Variants in COG5 observed in about 807,000 individuals in gnomAD.
COG5 encodes component of oligomeric golgi complex 5.
In COG5, 86 loss-of-function variants were observed where a neutral mutation model predicts 110.4. That is an observed-to-expected ratio of 0.78 (90% CI 0.65 to 0.93). COG5 has a LOEUF of 0.93. Among genes scored for constraint, COG5 ranks in the 40% least tolerant of loss-of-function variants. The pLI is 0.00. For missense variants in COG5, 1,077 were observed against 987.0 expected (o/e 1.09, Z -1.22); for synonymous variants, 360 against 334.6 (o/e 1.08, Z -0.83).
intron 10 of COG5, among the ~76,000 whole-genome samples, chr7:107,344,389 C>T (rs1437725681): frequency 6.6e-6 from 1 of 152,188 alleles, no homozygotes; most frequent in African/African-American, 2.4e-5. Context: ...CGTCACCTAC[C>T]TCAGCCTTCA....
chr7:107,215,803 G>A (rs1337876968), intron 19 of COG5, among the ~76,000 whole-genome samples: 1 of 151,114 alleles, frequency 6.6e-6, no homozygotes, highest in Non-Finnish European at 1.5e-5. Context: ...TCTGCCTCCT[G>A]GGTTCACGCC....
chr7:107,412,699 A>T, intron 6 of COG5, 67 bp from the exon 7 acceptor site: 2 of 915,164 alleles, frequency 2.2e-6, no homozygotes, highest in Non-Finnish European at 3.3e-6. Flanking sequence ...GTATCAAAAT[A>T]TGTATAACTT....
chr7:107,448,532 T>A (rs1172932644), intron 6 of COG5, among the ~76,000 whole-genome samples: 1 of 152,184 alleles, frequency 6.6e-6, no homozygotes, highest in Non-Finnish European at 1.5e-5. Context: ...ACCCCTTACA[T>A]GTTAGAATTC....
intron 6 of COG5, among the ~76,000 whole-genome samples, chr7:107,502,799 C>T (rs1354393488): frequency 3.9e-5 from 6 of 152,028 alleles, no homozygotes; most frequent in African/African-American, 1.4e-4. Flanking sequence ...GTTTCTCGAC[C>T]ATTTGCATAT....
At chr7:107,336,586 A>G (rs146329178) in intron 10 of COG5, among the ~76,000 whole-genome samples, 27 of 152,244 alleles carry the variant, frequency 1.8e-4, no homozygotes, top group African/African-American at 6.3e-4. Flanking sequence ...TGGATATCCC[A>G]ATTACCTTGA....
At chr7:107,488,030 T>C (rs1291516690) in intron 6 of COG5, among the ~76,000 whole-genome samples, 2 of 152,128 alleles carry the variant, frequency 1.3e-5, no homozygotes, top group African/African-American at 4.8e-5. Flanking sequence ...GAACATATAT[T>C]GTTAATGTAA....
intron 11 of COG5, among the ~76,000 whole-genome samples, chr7:107,299,176 A>C (rs1360247648): frequency 2.0e-5 from 3 of 152,114 alleles, no homozygotes; most frequent in Non-Finnish European, 2.9e-5. Flanking sequence ...TAAAATAATA[A>C]AGCTCTGAGA....
chr7:107,489,590 T>TA (rs761707248), intron 6 of COG5, among the ~76,000 whole-genome samples: 1 of 152,062 alleles, frequency 6.6e-6, no homozygotes, highest in Non-Finnish European at 1.5e-5. Flanking sequence ...CACCCATTGT[T>TA]AAAAAAGAAA....
At chr7:107,459,884 G>A (rs909890510) in intron 6 of COG5, among the ~76,000 whole-genome samples, 1 of 151,788 alleles carries the variant, frequency 6.6e-6, no homozygotes, top group African/African-American at 2.4e-5. Context: ...AACTTGACCT[G>A]TTTGACATTT....
intron 11 of COG5, among the ~76,000 whole-genome samples, chr7:107,320,849 C>T (rs1809202051): frequency 6.6e-6 from 1 of 152,104 alleles, no homozygotes; most frequent in Non-Finnish European, 1.5e-5. Flanking sequence ...TTTTTGGAAG[C>T]TCAGTGAACA....
chr7:107,267,906 A>T (rs887571606), intron 14 of COG5, among the ~76,000 whole-genome samples: 1 of 152,202 alleles, frequency 6.6e-6, no homozygotes, highest in African/African-American at 2.4e-5. Context: ...TTAAAAAATA[A>T]TTTTAAAAAT....
In COG5 at chr7:107,492,886, C is replaced by A. The variant is rs560923318; in HGVS notation, c.538+34351G>T. On this transcript the variant is annotated intron_variant, in intron 6 of 21. Transcript: ENST00000297135. ...GGGACCATTATTCTGCCTATTGTGC[C>A]ATACTTGTTGAGCTGCACTGATTTG... Among the ~76,000 whole-genome samples, 6 of 152,182 alleles carry A rather than the reference C, an allele frequency of 3.9e-5. No individual in the cohort carries two copies. The South Asian group carries it at 6.2e-4, about 16-fold the overall frequency.
chr7:107,318,984 G>A (rs148251798), intron 11 of COG5, among the ~76,000 whole-genome samples: 10 of 152,110 alleles, frequency 6.6e-5, no homozygotes, highest in Admixed American at 2.0e-4. Flanking sequence ...ACATATGTTA[G>A]ATTGCTTGAT....
At chr7:107,435,754 T>C (rs945455029) in intron 6 of COG5, among the ~76,000 whole-genome samples, 3 of 152,160 alleles carry the variant, frequency 2.0e-5, no homozygotes, top group African/African-American at 7.2e-5. Flanking sequence ...CTCAAAAGAC[T>C]AAACATAGAA....
intron 5 of COG5, among the ~76,000 whole-genome samples, chr7:107,545,422 T>A (rs1802339619): frequency 1.3e-5 from 2 of 152,036 alleles, no homozygotes; most frequent in Non-Finnish European, 2.9e-5. Context: ...AAGATGGCTA[T>A]GAACAGATTT....
intron 19 of COG5, among the ~76,000 whole-genome samples, chr7:107,219,408 C>T (rs973535753): frequency 2.6e-5 from 4 of 152,216 alleles, no homozygotes; most frequent in Middle Eastern, 3.4e-3. Context: ...GCATTATTTA[C>T]GATAGCCAAG....
intron 6 of COG5, among the ~76,000 whole-genome samples, chr7:107,508,639 C>T (rs1044677626): frequency 2.6e-5 from 4 of 152,198 alleles, no homozygotes; most frequent in Admixed American, 1.3e-4. Context: ...CCAGTAGGGG[C>T]ACACTGACAC....
intron 7 of COG5, among the ~76,000 whole-genome samples, chr7:107,373,386 C>T (rs1186773497): frequency 6.6e-6 from 1 of 151,882 alleles, no homozygotes; most frequent in Non-Finnish European, 1.5e-5. Context: ...GCTATAAAAA[C>T]GTGAAGTAGG....
chr7:107,487,722 G>GT (rs1415708130), intron 6 of COG5, among the ~76,000 whole-genome samples: 1 of 148,290 alleles, frequency 6.7e-6, no homozygotes, highest in Non-Finnish European at 1.5e-5. Flanking sequence ...GTCTATACCA[G>GT]TAAAAAAAAA....
Sources: gnomAD v4.1 joint callset for allele counts (sites outside exome capture counted in the v4.1 genomes callset) on GRCh38, gnomAD v4.1.1 for gene constraint, MANE v1.5 for transcripts, NCBI Gene and HGNC (gene_info 2026-07-23, HGNC 2026-07-21) for gene names.